Variants in RARB observed in about 807,000 individuals in gnomAD.
RARB encodes HBV-activated protein.
RARB carries 17 observed loss-of-function variants against 51.9 expected under a neutral mutation model. The observed-to-expected ratio is 0.33, with a 90% CI of 0.22 to 0.49. RARB has a LOEUF of 0.49. RARB is among the 20% of genes least tolerant of loss of function. RARB has a pLI of 0.99. For synonymous variants in RARB, 215 were observed against 195.4 expected, an observed-to-expected ratio of 1.10 and a Z score of -0.84; for missense variants, 369 against 550.8, an observed-to-expected ratio of 0.67 and a Z score of 3.30.
At chr3:24,931,900 C>T (rs1397089476) in intron 2 of RARB, among the ~76,000 whole-genome samples, 1 of 152,054 alleles carries the variant, frequency 6.6e-6, no homozygotes, top group South Asian at 2.1e-4. Context: ...CTCTGTGCTT[C>T]TGTTAGTTGT....
At position 24,970,614 on chromosome 3, in the gene RARB, C is replaced by G. The variant is rs188962436; in HGVS notation, c.-379-89511C>G. On this transcript the variant is annotated intron_variant, in intron 2 of 11. Coordinates refer to the RARB transcript ENST00000383772. ...ACACACACACACACACAAACACACC[C>G]CCTCTGCTACCACCTGTAGCATGAG... is the stretch of plus-strand genomic sequence containing the variant. 3.7e-3 allele frequency among the ~76,000 whole-genome samples: 564 copies of G among 151,648 alleles called. 4 individuals are homozygous for G. The highest frequency in any genetic ancestry group is 0.013 in the African/African-American group (543 of 41,442).
intron 5 of RARB, among the ~76,000 whole-genome samples, chr3:25,311,918 A>T (rs913995343): frequency 6.6e-6 from 1 of 152,218 alleles, no homozygotes; most frequent in Admixed American, 6.5e-5. Context: ...CTCCTTGCTC[A>T]AGTCAGTTAC....
chr3:25,340,482 CG>C (rs1427318528), intron 5 of RARB, among the ~76,000 whole-genome samples: 1 of 152,114 alleles, frequency 6.6e-6, no homozygotes, highest in Non-Finnish European at 1.5e-5. Flanking sequence ...AATAGGAATG[CG>C]TATTCTTATC....
At chr3:25,527,052 T>C (rs1698682805) in intron 3 of RARB, among the ~76,000 whole-genome samples, 1 of 152,190 alleles carries the variant, frequency 6.6e-6, no homozygotes, top group African/African-American at 2.4e-5. Context: ...AAGATTGAGT[T>C]ACTTAGAGCA....
intron 3 of RARB, among the ~76,000 whole-genome samples, chr3:25,519,884 T>A (rs1349411450): frequency 3.9e-5 from 6 of 152,234 alleles, no homozygotes; most frequent in Admixed American, 3.3e-4. Flanking sequence ...TTTTTGCATT[T>A]ACTTCTTTGT....
chr3:25,341,086 A>G (rs908893917), intron 5 of RARB, among the ~76,000 whole-genome samples: 6 of 152,148 alleles, frequency 3.9e-5, no homozygotes, highest in African/African-American at 4.8e-5. Flanking sequence ...TTAACTGAAC[A>G]CTCAACTTTG....
At chr3:25,294,695 C>T (rs1196436477) in intron 5 of RARB, among the ~76,000 whole-genome samples, 2 of 86,846 alleles carry the variant, frequency 2.3e-5, no homozygotes, top group Non-Finnish European at 4.3e-5. Context: ...GAGACCATAG[C>T]TTCTCTCCTT....
At chr3:25,189,788 G>C (rs1000158213) in intron 5 of RARB, among the ~76,000 whole-genome samples, 1 of 152,114 alleles carries the variant, frequency 6.6e-6, no homozygotes, top group East Asian at 1.9e-4. Context: ...AGGAGGCTGA[G>C]GCAGGAGAAT....
chr3:25,027,897 G>T (rs1275256682), intron 2 of RARB, among the ~76,000 whole-genome samples: 1 of 152,006 alleles, frequency 6.6e-6, no homozygotes, highest in South Asian at 2.1e-4. Flanking sequence ...TCTTGAACAG[G>T]TCATTTAAAA....
intron 1 of RARB, chr3:24,833,271 T>G (rs563829984): frequency 8.5e-5 from 13 of 152,374 alleles, no homozygotes; most frequent in African/African-American, 2.6e-4. Context: ...TCTATGAGAC[T>G]GTATGCCTTT....
intron 5 of RARB, among the ~76,000 whole-genome samples, chr3:25,583,230 C>T (rs551650757): frequency 1.6e-4 from 24 of 152,304 alleles, no homozygotes; most frequent in African/African-American, 3.6e-4. Flanking sequence ...CCTGAAAGTA[C>T]GCAAGTTCAA....
chr3:25,477,359 G>A (rs1249967263), intron 2 of RARB, among the ~76,000 whole-genome samples: 1 of 152,134 alleles, frequency 6.6e-6, no homozygotes, highest in African/African-American at 2.4e-5. Context: ...CTGATGAGAT[G>A]GCTTTTTGGT....
chr3:24,944,208 G>A (rs748319339), intron 2 of RARB, among the ~76,000 whole-genome samples: 3 of 152,058 alleles, frequency 2.0e-5, no homozygotes, highest in Non-Finnish European at 4.4e-5. Context: ...TCTCACTCAC[G>A]GGCTTCTTGA....
Position 25,192,507 on chromosome 3 carries a change from A to G in RARB, c.178+17932A>G, listed in dbSNP as rs150165229. Among the ~76,000 whole-genome samples the G allele has an allele frequency of 7.5e-4, 114 of 152,210 alleles. 1 individual carries two copies. The highest frequency in any genetic ancestry group is 2.7e-3 in the African/African-American group (113 of 41,566). ...ATTAAAAGTTTTTTGTAGATAACCT[A>G]TCATGCTATTTATTAATTTAACATT... is the stretch of plus-strand genomic sequence containing the variant. On this transcript the variant is annotated intron_variant, in intron 5 of 11. Coordinates refer to the RARB transcript ENST00000383772.
chr3:25,313,739 A>G (rs1451374295), intron 5 of RARB, among the ~76,000 whole-genome samples: 2 of 152,160 alleles, frequency 1.3e-5, no homozygotes, highest in African/African-American at 4.8e-5. Flanking sequence ...TATACATACA[A>G]AATTATGTAC....
intron 3 of RARB, among the ~76,000 whole-genome samples, chr3:25,508,650 GTT>G (rs1697731101): frequency 6.6e-6 from 1 of 152,096 alleles, no homozygotes; most frequent in African/African-American, 2.4e-5. Flanking sequence ...ATCCCAGCCT[GTT>G]ACTTTGCTTC....
intron 5 of RARB, among the ~76,000 whole-genome samples, chr3:25,372,555 C>G (rs1559375887): frequency 6.6e-6 from 1 of 152,204 alleles, no homozygotes; most frequent in African/African-American, 2.4e-5. Context: ...GGTGCGGTGG[C>G]TCACAACTGT....
At chr3:25,204,419 T>C (rs887778013) in intron 5 of RARB, among the ~76,000 whole-genome samples, 2 of 152,258 alleles carry the variant, frequency 1.3e-5, no homozygotes, top group Non-Finnish European at 2.9e-5. Context: ...CCGCCTTCTC[T>C]CAACTCGTCA....
intron 5 of RARB, among the ~76,000 whole-genome samples, chr3:25,406,482 T>A (rs1390316277): frequency 6.6e-6 from 1 of 152,228 alleles, no homozygotes; most frequent in Non-Finnish European, 1.5e-5. Flanking sequence ...TGCAGCTGGC[T>A]GCCTTCTCAC....
Sources: allele counts gnomAD v4.1 joint callset (sites outside exome capture counted in the v4.1 genomes callset), GRCh38; gene constraint gnomAD v4.1.1; transcripts MANE v1.5; gene names NCBI Gene and HGNC (gene_info 2026-07-23, HGNC 2026-07-21).